Variants in ANO3 observed in about 807,000 individuals in gnomAD.
ANO3 encodes anoctamin 3.
ANO3 carries 99 observed loss-of-function variants against 144.8 expected under a neutral mutation model. The observed-to-expected ratio is 0.68, with a 90% confidence interval of 0.58 to 0.81. The LOEUF (loss-of-function observed/expected upper bound fraction) is 0.81, where lower values mean the gene tolerates loss of function less well. Ranked by LOEUF, ANO3 falls within the 30% of genes least tolerant of loss-of-function variation. The pLI is 0.00. For missense variants in ANO3, 905 were observed against 1,202.2 expected (o/e 0.75, Z 3.66); for synonymous variants, 414 against 392.6 (o/e 1.05, Z -0.64).
At chr11:26,385,941 G>A (rs557519746) in intron 1 of ANO3, among the ~76,000 whole-genome samples, 2 of 149,842 alleles carry the variant, frequency 1.3e-5, no homozygotes, top group South Asian at 2.1e-4. Flanking sequence ...ACATATGCAT[G>A]TATGTATGTA....
At chr11:26,577,373 A>G (rs905291269) in intron 14 of ANO3, among the ~76,000 whole-genome samples, 8 of 152,138 alleles carry the variant, frequency 5.3e-5, no homozygotes, top group African/African-American at 1.7e-4. Flanking sequence ...CCAGGCCAAC[A>G]TGGGGAAACC....
chr11:26,236,041 A>G (rs1160268554), intron 1 of ANO3, among the ~76,000 whole-genome samples: 1 of 151,634 alleles, frequency 6.6e-6, no homozygotes, highest in Non-Finnish European at 1.5e-5. Flanking sequence ...TAGATAGCAA[A>G]CCCTAGATTA....
chr11:26,650,034 C>T (rs752836343), intron 24 of ANO3, among the ~76,000 whole-genome samples: 6 of 152,084 alleles, frequency 3.9e-5, no homozygotes, highest in Non-Finnish European at 7.4e-5. Context: ...TAGATAGCGC[C>T]TGCCTTTCGT....
chr11:26,474,391 T>C (rs78050482), intron 4 of ANO3, among the ~76,000 whole-genome samples: 3,285 of 152,014 alleles, frequency 0.022, 98 homozygotes, highest in African/African-American at 0.075. Context: ...ATTGATTTCA[T>C]TGAAATAATT....
chr11:26,659,571 A>G (rs1403975075), intron 26 of ANO3, among the ~76,000 whole-genome samples: 2 of 151,856 alleles, frequency 1.3e-5, no homozygotes, highest in African/African-American at 2.4e-5. Flanking sequence ...GTGGCAGGCA[A>G]CTGTACTCCC....
intron 1 of ANO3, among the ~76,000 whole-genome samples, chr11:26,409,878 C>T (rs1202678896): frequency 6.6e-6 from 1 of 151,890 alleles, no homozygotes; most frequent in Non-Finnish European, 1.5e-5. Context: ...AGCCATTTGG[C>T]TGACTGTTAA....
intron 1 of ANO3, among the ~76,000 whole-genome samples, chr11:26,406,903 T>C (rs1379306574): frequency 2.0e-5 from 3 of 149,822 alleles, no homozygotes; most frequent in Non-Finnish European, 4.4e-5. Flanking sequence ...AACTGAAATA[T>C]ACATATATAT....
At chr11:26,209,344 A>G (rs981315893) in intron 1 of ANO3, among the ~76,000 whole-genome samples, 2 of 152,126 alleles carry the variant, frequency 1.3e-5, no homozygotes, top group Non-Finnish European at 2.9e-5. Flanking sequence ...TATGGCTGCA[A>G]AGTATTCCAT....
intron 1 of ANO3, among the ~76,000 whole-genome samples, chr11:26,260,169 T>C (rs1853154016): frequency 6.6e-6 from 1 of 152,140 alleles, no homozygotes; most frequent in South Asian, 2.1e-4. Flanking sequence ...TTGGGCTCTT[T>C]ATCTCTTGAT....
chr11:26,583,258 G>C (rs992254313), intron 14 of ANO3, among the ~76,000 whole-genome samples: 1 of 152,174 alleles, frequency 6.6e-6, no homozygotes, highest in Non-Finnish European at 1.5e-5. Context: ...TGCAAGGCGG[G>C]GGAAAGATGT....
chr11:26,533,511 C>T (rs913948018), intron 8 of ANO3, among the ~76,000 whole-genome samples: 29 of 151,862 alleles, frequency 1.9e-4, no homozygotes, highest in Admixed American at 5.9e-4. Context: ...AATGCGAGTA[C>T]CGAGAGCCTT....
At chr11:26,619,871 C>G (rs1017033249) in intron 17 of ANO3, among the ~76,000 whole-genome samples, 4 of 152,168 alleles carry the variant, frequency 2.6e-5, no homozygotes, top group African/African-American at 9.6e-5. Flanking sequence ...AATTCTTATC[C>G]AGCCAGCCCC....
At chr11:26,462,320 A>G (rs935044640) in intron 3 of ANO3, among the ~76,000 whole-genome samples, 3 of 152,036 alleles carry the variant, frequency 2.0e-5, no homozygotes, top group African/African-American at 7.2e-5. Flanking sequence ...CATGGAATAT[A>G]AATTTAGTGA....
intron 14 of ANO3, among the ~76,000 whole-genome samples, chr11:26,584,825 G>T (rs748942665): frequency 1.2e-4 from 19 of 152,300 alleles, no homozygotes; most frequent in Admixed American, 5.9e-4. Flanking sequence ...GATAGTCTGT[G>T]CTGTGAACTG....
chr11:26,287,187 A>G (rs946629899), intron 1 of ANO3: 2 of 152,218 alleles, frequency 1.3e-5, no homozygotes, highest in Non-Finnish European at 2.9e-5. Context: ...CCACCAGAGC[A>G]GAGCCCGGTC....
chr11:26,460,583 G>A (rs1344244022), intron 3 of ANO3, among the ~76,000 whole-genome samples: 1 of 152,038 alleles, frequency 6.6e-6, no homozygotes, highest in Non-Finnish European at 1.5e-5. Flanking sequence ...AAAAAGATCT[G>A]AAAAGACTTC....
At chr11:26,291,072 G>T (rs1031937607) in intron 1 of ANO3, among the ~76,000 whole-genome samples, 4 of 152,154 alleles carry the variant, frequency 2.6e-5, no homozygotes, top group African/African-American at 9.7e-5. Flanking sequence ...CTAAGGACTT[G>T]CTTTATGAAT....
intron 1 of ANO3, among the ~76,000 whole-genome samples, chr11:26,251,624 A>G (rs997086005): frequency 5.3e-5 from 8 of 152,234 alleles, no homozygotes; most frequent in Admixed American, 2.0e-4. Flanking sequence ...TCACACTGCT[A>G]TAACGAAATA....
chr11:26,456,727 A>G (rs1447044549), intron 3 of ANO3, among the ~76,000 whole-genome samples: 2 of 122,706 alleles, frequency 1.6e-5, no homozygotes, highest in Non-Finnish European at 3.3e-5. Flanking sequence ...ATTACTGGGT[A>G]TATACCCAAA....
Sources: gnomAD v4.1 joint callset for allele counts (sites outside exome capture counted in the v4.1 genomes callset) on GRCh38, gnomAD v4.1.1 for gene constraint, MANE v1.5 for transcripts, NCBI Gene and HGNC (gene_info 2026-07-23, HGNC 2026-07-21) for gene names.